Variants in HNRNPR observed in about 807,000 individuals in gnomAD.
HNRNPR encodes the protein heterogeneous nuclear ribonucleoprotein R.
A neutral mutation model predicts 70.3 loss-of-function variants in HNRNPR; 4 were observed. That is an observed-to-expected ratio of 0.06 (90% CI 0.03 to 0.13). HNRNPR has a LOEUF of 0.13. HNRNPR is among the 10% of genes least tolerant of loss of function. The pLI is 1.00. For synonymous variants in HNRNPR, 241 were observed against 267.6 expected, an observed-to-expected ratio of 0.90 and a Z score of 0.97; for missense variants, 423 against 788.5, an observed-to-expected ratio of 0.54 and a Z score of 5.55.
chr1:23,338,221 T>G (rs1280471597), intron 3 of HNRNPR: 1 of 324,106 alleles, frequency 3.1e-6, no homozygotes, highest in Admixed American at 4.7e-5. Context: ...CTGAGTAACA[T>G]GTAAAAACCT....
chr1:23,310,994 C>A lies in HNRNPR; in HGVS notation c.1362G>T (p.Gly454=), dbSNP rs1645311388. The A allele has an allele frequency of 1.9e-6, 3 of 1,614,058 alleles. No individual in the cohort carries two copies. The highest frequency in any genetic ancestry group is 1.1e-5 in the South Asian group (1 of 91,070). ...CTGGAGGGTAGCCATATCCACCTCTCCCCCCACCACGACCCCGACCTCTAA... is the reference window on the plus strand; with the variant it reads ...CTGGAGGGTAGCCATATCCACCTCTACCCCCACCACGACCCCGACCTCTAA... ...PPIRGRGRGG[G]RGGYGYPPDY... The change falls in exon 11 of 11, where the codon GGG becomes GGT. Residue 454 remains glycine, a synonymous_variant. Coordinates refer to ENST00000302271, the MANE Select transcript of HNRNPR (RefSeq NM_005826.5). This position sits in a 1 kb window ranked among gnomAD's most constrained non-coding sequence, Gnocchi z 6.0.
At position 23,321,539 on chromosome 1, in the gene HNRNPR, C is replaced by T. The variant is rs1344980537; in HGVS notation, c.800G>A (p.Ser267Asn). ...KTKENILEEF[S>N]KVTEGLVDVI... The stretch of plus-strand genomic sequence containing the variant: ...CATTTTTGTTTTACCTGTGACTTTA[C>T]TGAATTCTTCCAAAATGTTTTCTTT... The change falls in exon 7 of 11, where the codon AGT becomes AAT. Residue 267 changes from serine to asparagine, a missense_variant. This residue lies in a region of HNRNPR where 118 missense variants were observed against 239.3 expected (regional missense o/e 0.49). Coordinates refer to ENST00000302271, the MANE Select transcript of HNRNPR (RefSeq NM_005826.5). The T allele has an allele frequency of 5.0e-6, 8 of 1,612,204 alleles. No individual in the cohort carries two copies. The highest frequency in any genetic ancestry group is 6.8e-6 in the Non-Finnish European group (8 of 1,178,978).
At chr1:23,326,644 G>T (rs762595193) in intron 5 of HNRNPR, among the ~76,000 whole-genome samples, 19 of 152,260 alleles carry the variant, frequency 1.2e-4, no homozygotes, top group African/African-American at 3.4e-4. Flanking sequence ...AATTGGCCAG[G>T]CATGGTGGCA....
chr1:23,318,337 CT>C lies in HNRNPR; in HGVS notation c.1017+145del. ...CCTGGATACCAAGACAGGCTGTTAA[CT>C]TTAGTGTTAAAGCCGCTCCTTGCCA... is the stretch of plus-strand genomic sequence containing the variant. On this transcript the variant is annotated intron_variant, in intron 8 of 10. Transcript: ENST00000302271. The surrounding 1 kb of genome is among the most constrained non-coding windows in gnomAD (Gnocchi z 4.2). 1.6e-6 allele frequency: 1 copy of C among 645,126 alleles called. No individual in the cohort carries two copies. The highest frequency in any genetic ancestry group is 2.7e-6 in the Non-Finnish European group (1 of 374,296). The allele number at this position is 645,126 out of a possible 1,614,324, so 40.0% of individuals were successfully genotyped here. A position where few individuals can be genotyped will look rare whatever the true frequency, so the allele number is the denominator to read the frequency against.
At chr1:23,329,707 C>T (rs1166351354) in intron 5 of HNRNPR, among the ~76,000 whole-genome samples, 1 of 152,240 alleles carries the variant, frequency 6.6e-6, no homozygotes, top group East Asian at 1.9e-4. Flanking sequence ...TAACAGCTCA[C>T]TGTAGTGACC....
Position 23,310,864 on chromosome 1 carries a change from C to A in HNRNPR, c.1492G>T (p.Ala498Ser). The A allele has an allele frequency of 6.2e-7, 1 of 1,614,132 alleles. No homozygotes were observed. The highest frequency in any genetic ancestry group is 8.5e-7 in the Non-Finnish European group (1 of 1,180,018). Reference protein sequence around the residue: ...DPYYGYDDGYAVRGRGGGRGG... With the variant: ...DPYYGYDDGYSVRGRGGGRGG... ...CTTCCTCCTCCTCTTCCTCTTACTG[C>A]ATAGCCATCATCATAGCCGTAGTAG... The change falls in exon 11 of 11, where the codon GCA (alanine) becomes TCA (serine). Residue 498 changes from alanine to serine, a missense_variant. This residue lies in a region of HNRNPR where 169 missense variants were observed against 195.6 expected (regional missense o/e 0.86). Coordinates refer to ENST00000302271, the MANE Select transcript of HNRNPR (RefSeq NM_005826.5). The surrounding 1 kb of genome is among the most constrained non-coding windows in gnomAD (Gnocchi z 6.0).
intron 1 of HNRNPR, among the ~76,000 whole-genome samples, chr1:23,343,527 T>C (rs1034037914): frequency 6.6e-6 from 1 of 152,330 alleles, no homozygotes; most frequent in East Asian, 1.9e-4. Flanking sequence ...AGAAAAAGGA[T>C]CGCCTTTCCA....
chr1:23,339,319 T>C (rs1646622136), intron 2 of HNRNPR, among the ~76,000 whole-genome samples: 1 of 152,240 alleles, frequency 6.6e-6, no homozygotes, highest in South Asian at 2.1e-4. Flanking sequence ...AAAGATGCTG[T>C]GGCATTCACA....
At chr1:23,334,371 G>C (rs1646376623) in intron 4 of HNRNPR, among the ~76,000 whole-genome samples, 1 of 151,696 alleles carries the variant, frequency 6.6e-6, no homozygotes, top group Non-Finnish European at 1.5e-5. Context: ...CGAGCAGCTG[G>C]GACTACAGGC....
chr1:23,332,173 A>G (rs539463103), intron 5 of HNRNPR, among the ~76,000 whole-genome samples: 1 of 152,252 alleles, frequency 6.6e-6, no homozygotes, highest in South Asian at 2.1e-4. Context: ...GAAGGAAGGA[A>G]TAGAACAGGC....
At chr1:23,312,722 C>A (rs1443665778) in intron 9 of HNRNPR, among the ~76,000 whole-genome samples, 1 of 151,964 alleles carries the variant, frequency 6.6e-6, no homozygotes, top group African/African-American at 2.4e-5. Context: ...AAAAACAAAA[C>A]CAAAAAATGC....
chr1:23,344,164 C>A (rs1646824338), intron 1 of HNRNPR, 47 bp downstream of exon 1: 1 of 151,944 alleles, frequency 6.6e-6, no homozygotes, highest in South Asian at 2.1e-4. Context: ...AGTCGGGTCG[C>A]ATCGGGGCTC....
chr1:23,324,032 G>A (rs1188791501), intron 5 of HNRNPR, among the ~76,000 whole-genome samples: 1 of 151,956 alleles, frequency 6.6e-6, no homozygotes, highest in Non-Finnish European at 1.5e-5. Flanking sequence ...AATAAAGGAG[G>A]CTGGACGCAG....
chr1:23,341,338 C>T (rs191336145), intron 1 of HNRNPR, among the ~76,000 whole-genome samples: 3 of 152,246 alleles, frequency 2.0e-5, no homozygotes, highest in South Asian at 2.1e-4. Flanking sequence ...AAAATCACTA[C>T]AAAATCCTTT....
intron 3 of HNRNPR, 194 bp from the exon 4 acceptor site, chr1:23,338,055 G>A: frequency 6.1e-6 from 3 of 488,404 alleles, no homozygotes; most frequent in Non-Finnish European, 1.1e-5. Flanking sequence ...AGACCTCAGG[G>A]AGCTTACCTT....
At chr1:23,338,641 G>A in intron 2 of HNRNPR, 33 bp from the exon 3 acceptor site, 1 of 1,035,186 alleles carries the variant, frequency 9.7e-7, no homozygotes, top group East Asian at 2.5e-5. Context: ...TAACGTTATT[G>A]CAACAAAAGG....
chr1:23,334,802 A>G (rs1156843586), intron 4 of HNRNPR, among the ~76,000 whole-genome samples: 1 of 152,264 alleles, frequency 6.6e-6, no homozygotes, highest in African/African-American at 2.4e-5. Flanking sequence ...CCTTGCTCTC[A>G]GGAATTTATG....
chr1:23,336,924 T>C (rs188214040), intron 4 of HNRNPR, among the ~76,000 whole-genome samples: 14 of 152,200 alleles, frequency 9.2e-5, no homozygotes, highest in African/African-American at 3.4e-4. Flanking sequence ...TAATAATGGT[T>C]CATGGTTATA....
chr1:23,330,882 T>C (rs149195746), intron 5 of HNRNPR, among the ~76,000 whole-genome samples: 5 of 152,286 alleles, frequency 3.3e-5, no homozygotes, highest in South Asian at 2.1e-4. Flanking sequence ...TGAAAGAACA[T>C]ATAAAAGAAC....
Sources: allele counts gnomAD v4.1 joint callset (sites outside exome capture counted in the v4.1 genomes callset), GRCh38; gene constraint gnomAD v4.1.1; regional missense constraint gnomAD v4.1.1; non-coding constraint Gnocchi (gnomAD v3.1); transcripts MANE v1.5; gene names NCBI Gene and HGNC (gene_info 2026-07-23, HGNC 2026-07-21).